The following GPR137B variants were observed in gnomAD, a reference collection of about 807,000 sequenced individuals.
The protein encoded by GPR137B is G protein-coupled receptor 137B, also known as integral membrane protein GPR137B.
In GPR137B, 42 loss-of-function variants were observed where a neutral mutation model predicts 42.5. The observed-to-expected ratio is 0.99, with a 90% CI of 0.77 to 1.28. The LOEUF is 1.28. GPR137B is among the 50% of genes most tolerant of loss of function. The probability of loss-of-function intolerance (pLI) is 0.00; values close to 1 mark genes in which losing one functional copy is unlikely to be tolerated. For synonymous variants in GPR137B, 218 were observed against 209.7 expected, an observed-to-expected ratio of 1.04 and a Z score of -0.34; for missense variants, 487 against 493.9, an observed-to-expected ratio of 0.99 and a Z score of 0.13.
intron 1 of GPR137B, among the ~76,000 whole-genome samples, chr1:236,153,894 T>C (rs890356733): frequency 6.6e-6 from 1 of 152,174 alleles, no homozygotes. Flanking sequence ...GAAATCAAAA[T>C]ATTTCCCAAA....
intron 1 of GPR137B, among the ~76,000 whole-genome samples, chr1:236,151,046 T>C (rs1661844826): frequency 6.6e-6 from 1 of 152,196 alleles, no homozygotes; most frequent in Non-Finnish European, 1.5e-5. Context: ...AACAAAGTCA[T>C]GTGATCCCAA....
At position 236,183,302 on chromosome 1, in the gene GPR137B, A is replaced by G. The variant is rs114247020; in HGVS notation, c.838-476A>G. On this transcript the variant is annotated intron_variant, in intron 4 of 6. Coordinates refer to ENST00000366592, the MANE Select transcript of GPR137B (RefSeq NM_003272.4). ...TTGACCTCTTTATCCTAGGGATGAG[A>G]CTAAGGGATAATAGTTGTATGCTGC... Among the ~76,000 whole-genome samples, 766 of 152,354 alleles carry G rather than the reference A, an allele frequency of 5.0e-3. 6 individuals carry two copies. The highest frequency in any genetic ancestry group is 8.7e-3 in the Non-Finnish European group (589 of 68,034).
Position 236,178,485 on chromosome 1 carries a change from T to C in GPR137B, c.536T>C (p.Leu179Pro), listed in dbSNP as rs752419599. The C allele has an allele frequency of 1.1e-5, 17 of 1,614,024 alleles. No homozygotes were observed. The highest frequency in any genetic ancestry group is 1.7e-4 in the Middle Eastern group (1 of 6,018). ...TTGGTGAATTTAACCTGTGCTGTGC[T>C]GGTAAAGACGGGAAATTGGGAGAGG... ...FLLVNLTCAVLVKTGNWERKV... is the reference protein window; with the variant it reads ...FLLVNLTCAVPVKTGNWERKV... Residue 179 changes from leucine (L) to proline (P), a missense_variant, in exon 3 of 7, where the codon CTG becomes CCG. Physicochemically the swap from Leu to Pro is moderately conservative, Grantham distance 98 (BLOSUM62 -3). Transcript: ENST00000366592.
chr1:236,191,851 G>A lies in GPR137B; in HGVS notation c.966+7945G>A, dbSNP rs1196153102. Among the ~76,000 whole-genome samples the A allele has an allele frequency of 7.2e-5, 11 of 152,208 alleles. 1 individual carries two copies. In the East Asian group the frequency reaches 1.9e-3, roughly 27 times the overall value. ...GTCTGACCCTTAGCAGAGCCTGAAC[G>A]CTGTGCTGAGAGATCTCCTTCTCTC... On this transcript the variant is annotated intron_variant, in intron 5 of 6. Transcript: ENST00000366592.
intron 5 of GPR137B, among the ~76,000 whole-genome samples, chr1:236,186,324 A>G (rs867704418): frequency 1.2e-4 from 6 of 50,216 alleles, no homozygotes; most frequent in African/African-American, 4.6e-4. Flanking sequence ...TAATATAAAT[A>G]ATATATAATT....
intron 1 of GPR137B, among the ~76,000 whole-genome samples, chr1:236,153,929 G>A (rs1013505806): frequency 2.6e-5 from 4 of 152,178 alleles, no homozygotes; most frequent in Admixed American, 2.0e-4. Context: ...GTGAAGCGAT[G>A]CCAGGATGGC....
intron 1 of GPR137B, among the ~76,000 whole-genome samples, chr1:236,167,445 T>C (rs1662393902): frequency 6.6e-6 from 1 of 151,828 alleles, no homozygotes; most frequent in African/African-American, 2.4e-5. Context: ...ATATGTGGAA[T>C]CCAAACAAGT....
At chr1:236,207,391 GT>G in intron 6 of GPR137B, 1 of 413,734 alleles carries the variant, frequency 2.4e-6, no homozygotes. Context: ...TTCTTTTCCA[GT>G]TACCCCACTG....
At chr1:236,148,870 T>C (rs1482707112) in intron 1 of GPR137B, among the ~76,000 whole-genome samples, 1 of 152,172 alleles carries the variant, frequency 6.6e-6, no homozygotes, top group East Asian at 1.9e-4. Flanking sequence ...GGTGCAGATC[T>C]GGGTTCCAAT....
At chr1:236,152,126 G>A (rs111407415) in intron 1 of GPR137B, among the ~76,000 whole-genome samples, 3 of 151,956 alleles carry the variant, frequency 2.0e-5, no homozygotes, top group Non-Finnish European at 2.9e-5. Flanking sequence ...GGAACATGGC[G>A]ATTCATTTCA....
chr1:236,168,747 C>G lies in GPR137B; in HGVS notation c.456C>G (p.Leu152=). ...KAKSKYSPEL[L]KYRLPLYLAS... is the part of the protein sequence containing the mutation. ...AGTCAAAATATTCTCCAGAATTACT[C>G]AAATACCGGTAAGTACTGCAGGGCA... Residue 152 remains leucine (L), a synonymous_variant, in exon 2 of 7, where the codon CTC becomes CTG. Coordinates refer to ENST00000366592, the MANE Select transcript of GPR137B (RefSeq NM_003272.4). 1 of 1,606,000 alleles carries G rather than the reference C, an allele frequency of 6.2e-7. No homozygotes were observed. The highest frequency in any genetic ancestry group is 8.5e-7 in the Non-Finnish European group (1 of 1,172,614).
At chr1:236,145,494 G>A (rs1661657818) in intron 1 of GPR137B, among the ~76,000 whole-genome samples, 1 of 152,188 alleles carries the variant, frequency 6.6e-6, no homozygotes, top group Non-Finnish European at 1.5e-5. Flanking sequence ...AAGTAGCTGG[G>A]ACTACAGGTG....
intron 5 of GPR137B, among the ~76,000 whole-genome samples, chr1:236,185,013 C>T (rs1012484989): frequency 2.6e-5 from 4 of 152,158 alleles, no homozygotes; most frequent in Admixed American, 1.3e-4. Context: ...GTGATCCGAC[C>T]GCCTCAGCCT....
At chr1:236,154,497 T>C (rs1661958628) in intron 1 of GPR137B, among the ~76,000 whole-genome samples, 1 of 151,830 alleles carries the variant, frequency 6.6e-6, no homozygotes, top group Admixed American at 6.6e-5. Flanking sequence ...CCCAGTGAGC[T>C]GGGACAGTGT....
intron 6 of GPR137B, among the ~76,000 whole-genome samples, chr1:236,206,716 G>A (rs1447280640): frequency 6.6e-6 from 1 of 152,234 alleles, no homozygotes; most frequent in Non-Finnish European, 1.5e-5. Flanking sequence ...CAAACAGGAA[G>A]GGTAGTTGCT....
chr1:236,180,243 T>TAAAC (rs1662830552), intron 4 of GPR137B: 2 of 510,986 alleles, frequency 3.9e-6, no homozygotes, highest in Non-Finnish European at 7.1e-6. Context: ...AAATGCTATG[T>TAAAC]AAACAGTTGT....
intron 5 of GPR137B, 35 bp from the exon 6 acceptor site, chr1:236,205,091 C>CT (rs3215798): frequency 0.28 from 449,962 of 1,585,012 alleles, 68,701 homozygotes; most frequent in East Asian, 0.6. Flanking sequence ...GGCATGATGT[C>CT]TGTAAGTATG....
At chr1:236,159,857 C>A (rs547769368) in intron 1 of GPR137B, among the ~76,000 whole-genome samples, 11 of 152,198 alleles carry the variant, frequency 7.2e-5, no homozygotes, top group African/African-American at 2.7e-4. Flanking sequence ...CCCACAGGTC[C>A]GGGATGAGGA....
In GPR137B at chr1:236,142,641, C is replaced by G; in HGVS notation, c.19C>G (p.Arg7Gly). 2 of 1,492,678 alleles carry G rather than the reference C, an allele frequency of 1.3e-6. No homozygotes were observed. Among genetic ancestry groups the G allele is most frequent in the Non-Finnish European group, 8.9e-7 (1 of 1,128,944 alleles). 92.5% of individuals were successfully genotyped at this position (1,492,678 alleles called of 1,614,324 possible). Residue 7 changes from arginine (R) to glycine (G), a missense_variant, in exon 1 of 7, where the codon CGG (arginine) becomes GGG (glycine). By Grantham distance (125) the Arg-to-Gly change is moderately radical. Transcript: ENST00000366592. ...AGCCCCGATGAGGCCCGAGCGTCCC[C>G]GGCCGCGCGGCAGCGCCCCCGGCCC... MRPERP[R>G]PRGSAPGPME... is the part of the protein sequence containing the mutation.
Sources: allele counts gnomAD v4.1 joint callset (sites outside exome capture counted in the v4.1 genomes callset), GRCh38; gene constraint gnomAD v4.1.1; transcripts MANE v1.5; gene names NCBI Gene and HGNC (gene_info 2026-07-23, HGNC 2026-07-21).